SRPK2: variants seen among roughly 807,000 people sequenced by gnomAD.
The protein encoded by SRPK2 is SRSF protein kinase 2, also known as SFRS protein kinase 2.
In SRPK2, 21 loss-of-function variants were observed where a neutral mutation model predicts 90.8. That is an observed-to-expected ratio of 0.23 (90% CI 0.16 to 0.33). The LOEUF (loss-of-function observed/expected upper bound fraction) is 0.33, where lower values mean the gene tolerates loss of function less well. Ranked by LOEUF, SRPK2 falls within the 10% of genes least tolerant of loss-of-function variation. SRPK2 has a pLI of 1.00. For synonymous variants in SRPK2, 288 were observed against 311.1 expected (o/e 0.93, Z 0.78); for missense variants, 620 against 869.0 (o/e 0.71, Z 3.60).
At chr7:105,213,459 GA>G (rs1376411626) in intron 2 of SRPK2, among the ~76,000 whole-genome samples, 3 of 152,134 alleles carry the variant, frequency 2.0e-5, no homozygotes, top group Admixed American at 2.0e-4. Context: ...GTGCTGGGGA[GA>G]AACTGGGGAA....
chr7:105,337,090 C>T (rs1212780264), intron 2 of SRPK2, among the ~76,000 whole-genome samples: 2 of 151,956 alleles, frequency 1.3e-5, no homozygotes, highest in East Asian at 1.9e-4. Context: ...GCATGAGCCA[C>T]CCATGCCTTG....
chr7:105,317,318 T>C (rs528611145), intron 2 of SRPK2, among the ~76,000 whole-genome samples: 1 of 152,354 alleles, frequency 6.6e-6, no homozygotes, highest in East Asian at 1.9e-4. Context: ...AAGGATGTTC[T>C]TGATGAAGCA....
intron 2 of SRPK2, among the ~76,000 whole-genome samples, chr7:105,273,158 T>A (rs892224965): frequency 2.0e-5 from 3 of 151,048 alleles, no homozygotes; most frequent in Non-Finnish European, 4.4e-5. Context: ...GAGGTTGCAG[T>A]GAGCAGAGAT....
chr7:105,284,901 A>G (rs1392097069), intron 2 of SRPK2, among the ~76,000 whole-genome samples: 1 of 152,194 alleles, frequency 6.6e-6, no homozygotes, highest in Admixed American at 6.5e-5. Flanking sequence ...ATAGGCACCA[A>G]CTAAAAATCT....
intron 2 of SRPK2, among the ~76,000 whole-genome samples, chr7:105,377,382 T>G (rs956588663): frequency 1.3e-5 from 2 of 151,912 alleles, no homozygotes; most frequent in Non-Finnish European, 2.9e-5. Flanking sequence ...TTAAAGGAAT[T>G]TATATAGAGA....
intron 2 of SRPK2, among the ~76,000 whole-genome samples, chr7:105,234,156 G>A (rs528475593): frequency 6.6e-6 from 1 of 152,132 alleles, no homozygotes; most frequent in African/African-American, 2.4e-5. Flanking sequence ...AGGTAAATGA[G>A]ACTGATTATT....
At chr7:105,374,662 T>G (rs1206787166) in intron 2 of SRPK2, among the ~76,000 whole-genome samples, 2 of 152,182 alleles carry the variant, frequency 1.3e-5, no homozygotes, top group Non-Finnish European at 2.9e-5. Context: ...TGGAGTGCAA[T>G]GGCGCCATCT....
chr7:105,127,636 G>A (rs1474701574), intron 13 of SRPK2, among the ~76,000 whole-genome samples: 1 of 152,176 alleles, frequency 6.6e-6, no homozygotes, highest in Non-Finnish European at 1.5e-5. Flanking sequence ...GGAAGCAGAT[G>A]GTCTTGCAGA....
At chr7:105,348,371 G>C (rs577398532) in intron 2 of SRPK2, among the ~76,000 whole-genome samples, 8 of 150,936 alleles carry the variant, frequency 5.3e-5, no homozygotes, top group African/African-American at 1.9e-4. Context: ...GCGCACAGCA[G>C]TCAAACTTAA....
At chr7:105,141,627 T>C (rs1803788772) in intron 11 of SRPK2, among the ~76,000 whole-genome samples, 3 of 152,150 alleles carry the variant, frequency 2.0e-5, no homozygotes, top group East Asian at 1.9e-4. Context: ...TTTTCTTGAA[T>C]AGAAACAAAA....
At chr7:105,182,354 T>C (rs1041789066) in intron 3 of SRPK2, among the ~76,000 whole-genome samples, 1 of 150,984 alleles carries the variant, frequency 6.6e-6, no homozygotes, top group African/African-American at 2.4e-5. Context: ...AAATTAACTA[T>C]GTTTGAGGCT....
At chr7:105,128,709 T>A (rs747337753) in intron 13 of SRPK2, among the ~76,000 whole-genome samples, 8 of 152,214 alleles carry the variant, frequency 5.3e-5, no homozygotes, top group Non-Finnish European at 1.0e-4. Context: ...ATGACTTCAA[T>A]CTGGTTGCAT....
intron 11 of SRPK2, among the ~76,000 whole-genome samples, chr7:105,139,749 A>C (rs557122313): frequency 5.9e-5 from 9 of 152,256 alleles, no homozygotes; most frequent in South Asian, 2.1e-4. Context: ...TTTGCCATTG[A>C]CCTGTTTTAT....
chr7:105,176,635 GCA>G (rs1486037030), intron 3 of SRPK2, among the ~76,000 whole-genome samples: 1 of 64,116 alleles, frequency 1.6e-5, no homozygotes, highest in African/African-American at 5.5e-5. Context: ...ATATATATAT[GCA>G]CAGTGGCATA....
At chr7:105,132,349 A>G (rs1480225777) in intron 13 of SRPK2, among the ~76,000 whole-genome samples, 6 of 152,252 alleles carry the variant, frequency 3.9e-5, no homozygotes, top group African/African-American at 1.2e-4. Flanking sequence ...CTGGTTGACC[A>G]GGCAGAGGCT....
At chr7:105,364,405 G>GTTTTTTTTTTTTTTT (rs71152964) in intron 2 of SRPK2, among the ~76,000 whole-genome samples, 6 of 133,924 alleles carry the variant, frequency 4.5e-5, no homozygotes, top group East Asian at 2.8e-4. Flanking sequence ...CGTGTGTAAC[G>GTTTTTTTTTTTTTTT]TTTTTTTTTT....
In SRPK2 at chr7:105,195,504, T is replaced by C. The variant is rs547362674; in HGVS notation, c.229+8124A>G. On this transcript the variant is annotated intron_variant, in intron 3 of 15. Transcript: ENST00000393651. ...AAATTTCTCACACTCATCTCTATCC[T>C]CTACATGATGCTCCCAAACTGCTTT... Among the ~76,000 whole-genome samples the C allele has an allele frequency of 2.6e-5, 4 of 152,342 alleles. No homozygotes were observed. The South Asian group carries it at 8.3e-4, about 32-fold the overall frequency.
chr7:105,345,429 G>A (rs1025839686), intron 2 of SRPK2, among the ~76,000 whole-genome samples: 3 of 152,042 alleles, frequency 2.0e-5, no homozygotes, highest in Admixed American at 6.6e-5. Flanking sequence ...AGTTTGATGA[G>A]ATACCCTAAA....
At chr7:105,287,283 AAG>A (rs1491085494) in intron 2 of SRPK2, among the ~76,000 whole-genome samples, 2,373 of 20,388 alleles carry the variant, frequency 0.12, 127 homozygotes, top group African/African-American at 0.2. Context: ...AAAAAAAAAA[AAG>A]AAGAAAAGGA....
Sources: gnomAD v4.1 joint callset for allele counts (sites outside exome capture counted in the v4.1 genomes callset) on GRCh38, gnomAD v4.1.1 for gene constraint, MANE v1.5 for transcripts, NCBI Gene and HGNC (gene_info 2026-07-23, HGNC 2026-07-21) for gene names.